The following DNAH12 variants were observed in gnomAD, a reference collection of about 807,000 sequenced individuals.
DNAH12 encodes the protein dynein axonemal heavy chain 12, also known as axonemal beta dynein heavy chain 12.
DNAH12 carries 285 observed loss-of-function variants against 371.5 expected under a neutral mutation model. The ratio of observed to expected loss-of-function variants is 0.77; its 90% CI spans 0.70 to 0.85. DNAH12 has a LOEUF of 0.85. Ranked by LOEUF, DNAH12 falls within the 40% of genes least tolerant of loss-of-function variation. The probability of loss-of-function intolerance (pLI) is 0.00; values close to 1 mark genes in which losing one functional copy is unlikely to be tolerated. For missense variants in DNAH12, 3,611 were observed against 3,689.4 expected (o/e 0.98, Z 0.55); for synonymous variants, 1,200 against 1,213.0 (o/e 0.99, Z 0.22).
At chr3:57,540,402 T>C (rs143006865) in intron 2 of DNAH12, among the ~76,000 whole-genome samples, 3,690 of 152,272 alleles carry the variant, frequency 0.024, 71 homozygotes, top group Non-Finnish European at 0.035. Context: ...AGATACTTAC[T>C]ATCTGCTAAA....
Position 57,533,659 on chromosome 3 carries a change from C to T in DNAH12, c.170+9042G>A, listed in dbSNP as rs147417795. Reference sequence around the variant, plus strand: ...ATAAATGTAATCCAGAAGCTAGGGCCCAGAATGGGGTTCTCATGACTCTGC... The same window carrying T: ...ATAAATGTAATCCAGAAGCTAGGGCTCAGAATGGGGTTCTCATGACTCTGC... On this transcript the variant is annotated intron_variant, in intron 2 of 73. Transcript: ENST00000495027. Among the ~76,000 whole-genome samples the T allele has an allele frequency of 1.1e-4, 17 of 152,300 alleles. No individual in the cohort carries two copies. In the East Asian group the frequency reaches 3.3e-3, roughly 29 times the overall value.
chr3:57,435,099 G>A (rs185249810), intron 30 of DNAH12, among the ~76,000 whole-genome samples: 15 of 152,112 alleles, frequency 9.9e-5, no homozygotes, highest in East Asian at 7.7e-4. Context: ...AATATGGGCC[G>A]GGTGGCTCAT....
intron 13 of DNAH12, among the ~76,000 whole-genome samples, chr3:57,477,003 C>A (rs6445890): frequency 0.67 from 101,430 of 151,782 alleles, 34,130 homozygotes; most frequent in South Asian, 0.75. Flanking sequence ...GTGAGCGACG[C>A]AGAAGATGGG....
intron 60 of DNAH12, among the ~76,000 whole-genome samples, chr3:57,338,105 C>T (rs1053865618): frequency 2.0e-5 from 3 of 152,220 alleles, no homozygotes; most frequent in Non-Finnish European, 2.9e-5. Context: ...CTCCCTGCCT[C>T]GGGCTCCCGT....
chr3:57,496,471 C>T (rs1033652529), intron 11 of DNAH12, among the ~76,000 whole-genome samples: 1 of 151,990 alleles, frequency 6.6e-6, no homozygotes, highest in Admixed American at 6.6e-5. Flanking sequence ...ATTCAGCGCC[C>T]TCCCATGATA....
chr3:57,354,773 T>C (rs2062759903), intron 59 of DNAH12, among the ~76,000 whole-genome samples: 1 of 152,154 alleles, frequency 6.6e-6, no homozygotes. Flanking sequence ...ATTCATGCTA[T>C]GAATTATTTC....
chr3:57,547,249 A>G (rs2069587884), upstream of DNAH12, among the ~76,000 whole-genome samples: 1 of 151,788 alleles, frequency 6.6e-6, no homozygotes, highest in Admixed American at 6.6e-5. Flanking sequence ...GATGATATGT[A>G]TTATATCTTA....
intron 4 of DNAH12, among the ~76,000 whole-genome samples, chr3:57,512,207 C>A (rs969937736): frequency 1.4e-4 from 22 of 151,994 alleles, no homozygotes; most frequent in Admixed American, 7.2e-4. Context: ...GATGGGTGAA[C>A]CTTAAGGACA....
At chr3:57,465,261 T>C (rs7431380) in intron 17 of DNAH12, among the ~76,000 whole-genome samples, 1 of 151,690 alleles carries the variant, frequency 6.6e-6, no homozygotes, top group Admixed American at 6.6e-5. Context: ...AATATATATA[T>C]AGAGAGAGTC....
intron 45 of DNAH12, among the ~76,000 whole-genome samples, chr3:57,389,407 T>C: frequency 6.6e-6 from 1 of 152,192 alleles, no homozygotes; most frequent in Non-Finnish European, 1.5e-5. Context: ...CATATTCTTA[T>C]AGAGTAATAC....
At chr3:57,334,387 A>G in intron 62 of DNAH12, 78 bp downstream of exon 62, 1 of 1,387,014 alleles carries the variant, frequency 7.2e-7, no homozygotes, top group Admixed American at 3.1e-5. Flanking sequence ...TAAAGAATCA[A>G]ATAACAAGAA....
chr3:57,393,714 G>A (rs1575539155), intron 44 of DNAH12, among the ~76,000 whole-genome samples: 3 of 150,610 alleles, frequency 2.0e-5, no homozygotes, highest in East Asian at 1.9e-4. Flanking sequence ...TAGCAGACAC[G>A]TCACCATTGT....
intron 13 of DNAH12, among the ~76,000 whole-genome samples, chr3:57,476,510 G>C (rs566065395): frequency 6.6e-6 from 1 of 152,276 alleles, no homozygotes; most frequent in East Asian, 1.9e-4. Context: ...GTTGCAGTGA[G>C]CCAAAACCTC....
intron 16 of DNAH12, among the ~76,000 whole-genome samples, chr3:57,469,993 T>A (rs2066321154): frequency 6.6e-6 from 1 of 152,036 alleles, no homozygotes; most frequent in Admixed American, 6.6e-5. Context: ...AAAGTTGAAA[T>A]TATAAAACAA....
In DNAH12 at chr3:57,308,369, C is replaced by T. The variant is rs559846297; in HGVS notation, c.11189+782G>A. Among the ~76,000 whole-genome samples, 7 of 152,276 alleles carry T rather than the reference C, an allele frequency of 4.6e-5. No individual in the cohort carries two copies. The South Asian group carries it at 1.0e-3, about 23-fold the overall frequency. On this transcript the variant is annotated intron_variant, in intron 69 of 73. Transcript: ENST00000495027. Reference sequence around the variant, plus strand: ...CTAATGGTCTTTTAAAAACACACCTCGCCAAGCTCAGCCACCAACTTAAAA... The same window carrying T: ...CTAATGGTCTTTTAAAAACACACCTTGCCAAGCTCAGCCACCAACTTAAAA...
At position 57,459,485 on chromosome 3, in the gene DNAH12, T is replaced by C. The variant is rs10222479; in HGVS notation, c.2931+107A>G. ...ATTTTTCTGAACTTTCCAGTTTGTA[T>C]ACAATGAGCAAGTTTAATTTTTATA... On this transcript the variant is annotated intron_variant, in intron 20 of 73. Coordinates refer to ENST00000495027, the MANE Select transcript of DNAH12 (RefSeq NM_001366028.2). 0.017 allele frequency: 18,336 copies of C among 1,103,892 alleles called. 2,105 individuals are homozygous for C. In the African/African-American group the frequency reaches 0.25, roughly 15 times the overall value. 68.4% of individuals were successfully genotyped at this position (1,103,892 alleles called of 1,614,324 possible). A position where few individuals can be genotyped will look rare whatever the true frequency, so the allele number is the denominator to read the frequency against.
At chr3:57,300,221 G>A (rs2061318062) in intron 70 of DNAH12, among the ~76,000 whole-genome samples, 1 of 152,124 alleles carries the variant, frequency 6.6e-6, no homozygotes, top group African/African-American at 2.4e-5. Context: ...TTGGTAAATT[G>A]TTTTACTGAC....
intron 1 of DNAH12, among the ~76,000 whole-genome samples, chr3:57,543,364 C>A (rs2069385780): frequency 7.8e-6 from 1 of 128,692 alleles, no homozygotes; most frequent in South Asian, 2.4e-4. Context: ...GCTCTGTCGC[C>A]CAGGCTGGAG....
intron 5 of DNAH12, 114 bp from the exon 6 acceptor site, chr3:57,509,326 G>T: frequency 4.0e-6 from 4 of 1,012,344 alleles, no homozygotes; most frequent in Non-Finnish European, 5.8e-6. Flanking sequence ...TAAAAGGAAT[G>T]TAAGAAAAAA....
Sources: gnomAD v4.1 joint callset for allele counts (sites outside exome capture counted in the v4.1 genomes callset) on GRCh38, gnomAD v4.1.1 for gene constraint, MANE v1.5 for transcripts, NCBI Gene and HGNC (gene_info 2026-07-23, HGNC 2026-07-21) for gene names.